The following PRR14L variants were observed in gnomAD, a reference collection of about 807,000 sequenced individuals.
PRR14L encodes protein PRR14L.
A neutral mutation model predicts 155.0 loss-of-function variants in PRR14L; 80 were observed. The ratio of observed to expected loss-of-function variants is 0.52; its 90% CI spans 0.43 to 0.62. PRR14L has a LOEUF of 0.62. Among genes scored for constraint, PRR14L ranks in the 20% least tolerant of loss-of-function variants. The pLI is 0.00. For synonymous variants in PRR14L, 883 were observed against 916.0 expected (o/e 0.96, Z 0.65); for missense variants, 2,469 against 2,548.0 (o/e 0.97, Z 0.67).
Position 31,715,847 on chromosome 22 carries a change from T to C in PRR14L, c.1992A>G (p.Ala664=). ...GCAGTAGAGAGTCAGTTGGCAAATT[T>C]GCATGTTCTTGAGAATTAAGGGACA... The part of the protein sequence containing the change: ...QQVSLNSQEH[A]NLPTDSLLHL... The change falls in exon 4 of 9, where the codon GCA becomes GCG. Residue 664 remains alanine (A), a synonymous_variant. Transcript: ENST00000327423. 6.4e-7 allele frequency: 1 copy of C among 1,551,656 alleles called. No homozygotes were observed. The highest frequency in any genetic ancestry group is 8.7e-7 in the Non-Finnish European group (1 of 1,146,922).
chr22:31,708,089 C>A (rs8138481), intron 4 of PRR14L, among the ~76,000 whole-genome samples: 1 of 151,602 alleles, frequency 6.6e-6, no homozygotes, highest in Non-Finnish European at 1.5e-5. Flanking sequence ...GCAGAGGTTG[C>A]GGTGAGCTGA....
chr22:31,714,716 C>G lies in PRR14L; in HGVS notation c.3123G>C (p.Lys1041Asn). 1 of 1,552,402 alleles carries G rather than the reference C, an allele frequency of 6.4e-7. No homozygotes were observed. The highest frequency in any genetic ancestry group is 8.7e-7 in the Non-Finnish European group (1 of 1,147,154). ...CTGTGGACTCATCACAACCAGACATCTTGACAAAGGCTCCTTTCAAATTGC... is the reference window on the plus strand; with the variant it reads ...CTGTGGACTCATCACAACCAGACATGTTGACAAAGGCTCCTTTCAAATTGC... ...KKCNLKGAFV[K>N]MSGCDESTEG... Residue 1041 changes from lysine (K) to asparagine (N), a missense_variant, in exon 4 of 9, where the codon AAG (lysine) becomes AAC (asparagine). By Grantham distance (94) the Lys-to-Asn change is moderately conservative. Transcript: ENST00000327423.
chr22:31,721,341 A>G (rs1030030897), intron 3 of PRR14L, among the ~76,000 whole-genome samples: 13 of 152,338 alleles, frequency 8.5e-5, no homozygotes, highest in Middle Eastern at 3.4e-3. Context: ...GTCCTTTTAA[A>G]AGGTTCAATC....
chr22:31,701,805 CATTTT>C, intron 6 of PRR14L, 43 bp from the exon 7 acceptor site: 1 of 1,467,218 alleles, frequency 6.8e-7, no homozygotes, highest in Non-Finnish European at 9.5e-7. Context: ...AGCTGTAAGA[CATTTT>C]ATTTATATAT....
chr22:31,702,766 C>G (rs1436828941), intron 6 of PRR14L, among the ~76,000 whole-genome samples: 1 of 151,230 alleles, frequency 6.6e-6, no homozygotes, highest in Non-Finnish European at 1.5e-5. Context: ...TCCGCCCGCC[C>G]TGGCCTCCCA....
chr22:31,716,284 C>T lies in PRR14L; in HGVS notation c.1555G>A (p.Glu519Lys). The T allele has an allele frequency of 6.4e-7, 1 of 1,551,676 alleles. No homozygotes were observed. Among genetic ancestry groups the T allele is most frequent in the African/African-American group, 1.4e-5 (1 of 73,164 alleles). Residue 519 changes from glutamate to lysine, a missense_variant, in exon 4 of 9, where the codon GAA becomes AAA. Physicochemically the swap from Glu to Lys is moderately conservative, Grantham distance 56. Around this residue, in one of 2 missense-constraint regions of PRR14L, gnomAD observed 2,363 missense variants for 2,371.6 expected, o/e 1.00. Coordinates refer to ENST00000327423, the MANE Select transcript of PRR14L (RefSeq NM_173566.3). ...ACAGGGGTTGTCTGTCCTGCCTCTT[C>T]AATCTGCATCAAGGAGGAAAAACTG... is the stretch of plus-strand genomic sequence containing the variant. ...ESSFSSLMQI[E>K]EAGQTTPVEP...
In PRR14L at chr22:31,715,731, T is replaced by C; in HGVS notation, c.2108A>G (p.Asp703Gly). ...PLEGRADVIA[D>G]IQTIPIQTKI... ...TGTCTGAATGGGAATGGTTTGTATATCAGCAATGACATCTGCTCTACCCTC... is the reference window on the plus strand; with the variant it reads ...TGTCTGAATGGGAATGGTTTGTATACCAGCAATGACATCTGCTCTACCCTC... The change falls in exon 4 of 9, where the codon GAT (aspartate) becomes GGT (glycine). Residue 703 changes from aspartate to glycine, a missense_variant. Asp to Gly is a moderately conservative substitution (Grantham distance 94). Coordinates refer to ENST00000327423, the MANE Select transcript of PRR14L (RefSeq NM_173566.3). 6.4e-7 allele frequency: 1 copy of C among 1,552,234 alleles called. No homozygotes were observed. The highest frequency in any genetic ancestry group is 8.7e-7 in the Non-Finnish European group (1 of 1,147,074).
intron 1 of PRR14L, among the ~76,000 whole-genome samples, chr22:31,745,501 G>T (rs563158857): frequency 6.6e-6 from 1 of 152,276 alleles, no homozygotes; most frequent in South Asian, 2.1e-4. Flanking sequence ...AGACATTCAA[G>T]TTCTTTAAAT....
intron 1 of PRR14L, among the ~76,000 whole-genome samples, chr22:31,743,707 C>T (rs746553131): frequency 6.0e-5 from 9 of 151,236 alleles, no homozygotes; most frequent in Non-Finnish European, 1.3e-4. Flanking sequence ...GAGGCTGAGG[C>T]AGGAGAATCG....
chr22:31,690,465 G>A (rs367762201), intron 7 of PRR14L, among the ~76,000 whole-genome samples: 3 of 152,018 alleles, frequency 2.0e-5, no homozygotes, highest in African/African-American at 7.2e-5. Context: ...AATTACAAGC[G>A]TGAGCCACTG....
At chr22:31,736,544 G>A (rs891534688) in intron 2 of PRR14L, among the ~76,000 whole-genome samples, 2 of 152,144 alleles carry the variant, frequency 1.3e-5, no homozygotes, top group African/African-American at 4.8e-5. Flanking sequence ...TATGTATCAA[G>A]AGCGGGATGG....
chr22:31,699,317 C>T (rs762591071), intron 7 of PRR14L, among the ~76,000 whole-genome samples: 3 of 152,134 alleles, frequency 2.0e-5, no homozygotes, highest in Non-Finnish European at 4.4e-5. Context: ...GGATTACAGG[C>T]GTGAGCCACT....
Position 31,715,111 on chromosome 22 carries a change from C to T in PRR14L, c.2728G>A (p.Val910Ile). ...TTACAAAATACAGTTTCTTTGGATA[C>T]ATCCTGCTCCTTTCCTTCCAGCCCT... ...EEGLEGKEQD[V>I]SKETVFCKYN... The change falls in exon 4 of 9, where the codon GTA becomes ATA. Residue 910 changes from valine (V) to isoleucine (I), a missense_variant. By Grantham distance (29) the Val-to-Ile change is conservative. Coordinates refer to ENST00000327423, the MANE Select transcript of PRR14L (RefSeq NM_173566.3). 1 of 1,551,822 alleles carries T rather than the reference C, an allele frequency of 6.4e-7. No homozygotes were observed. The highest frequency in any genetic ancestry group is 8.7e-7 in the Non-Finnish European group (1 of 1,146,998).
rs1191512718 is a variant in PRR14L at position 31,703,731 on chromosome 22, T to C, written c.5829-10A>G. ...GAATGGAGGCTCCAGCCTAGCACCA[T>C]GAAGAGAAAGAAGATATGAGAGGGG... On this transcript the variant is annotated splice_polypyrimidine_tract_variant and intron_variant, in intron 5 of 8. Coordinates refer to ENST00000327423, the MANE Select transcript of PRR14L (RefSeq NM_173566.3). The C allele has an allele frequency of 5.3e-6, 8 of 1,505,500 alleles. No homozygotes were observed. The highest frequency in any genetic ancestry group is 5.3e-5 in the South Asian group (4 of 75,646). 93.3% of individuals were successfully genotyped at this position (1,505,500 alleles called of 1,614,324 possible). A position where few individuals can be genotyped will look rare whatever the true frequency, so the allele number is the denominator to read the frequency against.
chr22:31,687,200 G>A (rs950493636), intron 8 of PRR14L, among the ~76,000 whole-genome samples: 1 of 151,414 alleles, frequency 6.6e-6, no homozygotes, highest in African/African-American at 2.4e-5. Context: ...ACCACGCCTG[G>A]GTAATTTTGT....
In PRR14L at chr22:31,716,063, T is replaced by C. The variant is rs751134943; in HGVS notation, c.1776A>G (p.Gln592=). 54 of 1,550,726 alleles carry C rather than the reference T, an allele frequency of 3.5e-5. No individual in the cohort carries two copies. The highest frequency in any genetic ancestry group is 4.2e-5 in the Non-Finnish European group (48 of 1,146,972). Residue 592 remains glutamine (Q), a synonymous_variant, in exon 4 of 9, where the codon CAA becomes CAG. Coordinates refer to ENST00000327423, the MANE Select transcript of PRR14L (RefSeq NM_173566.3). The part of the protein sequence containing the change: ...SPVSEVLKPK[Q]GTALLLPSPE... ...GGGATGGTAGCAACAGAGCAGTACCTTGCTTGGGTTTTAATACCTCACTTA... is the reference window on the plus strand; with the variant it reads ...GGGATGGTAGCAACAGAGCAGTACCCTGCTTGGGTTTTAATACCTCACTTA...
intron 1 of PRR14L, among the ~76,000 whole-genome samples, chr22:31,748,677 A>AT (rs1359683655): frequency 3.3e-5 from 5 of 152,170 alleles, no homozygotes; most frequent in Admixed American, 1.3e-4. Context: ...CAGATGGAAG[A>AT]TTTTTTGTCA....
chr22:31,710,459 CT>C (rs11300993), intron 4 of PRR14L, among the ~76,000 whole-genome samples: 7,330 of 145,688 alleles, frequency 0.05, 159 homozygotes, highest in African/African-American at 0.063. Context: ...TTTAGGGATT[CT>C]TTTTTTTTTT....
intron 2 of PRR14L, among the ~76,000 whole-genome samples, chr22:31,733,254 G>A (rs1056635305): frequency 1.3e-5 from 2 of 148,724 alleles, no homozygotes; most frequent in South Asian, 2.1e-4. Context: ...TTTCGTACTC[G>A]CAAGTGCTGG....
Sources: allele counts gnomAD v4.1 joint callset (sites outside exome capture counted in the v4.1 genomes callset), GRCh38; gene constraint gnomAD v4.1.1; regional missense constraint gnomAD v4.1.1; transcripts MANE v1.5; gene names NCBI Gene and HGNC (gene_info 2026-07-23, HGNC 2026-07-21).